The following CKAP2L variants were observed in gnomAD, a reference collection of about 807,000 sequenced individuals.
CKAP2L encodes the protein cytoskeleton associated protein 2L.
Under a neutral mutation model 65.7 loss-of-function variants are expected in CKAP2L, and 42 were observed. The ratio of observed to expected loss-of-function variants is 0.64; its 90% confidence interval spans 0.50 to 0.83. The LOEUF is 0.83. Among genes scored for constraint, CKAP2L ranks in the 40% least tolerant of loss-of-function variants. CKAP2L has a pLI of 0.00. For synonymous variants in CKAP2L, 325 were observed against 313.5 expected (o/e 1.04, Z -0.39); for missense variants, 908 against 871.0 (o/e 1.04, Z -0.53).
At chr2:112,744,862 T>C (rs1680153430) in intron 6 of CKAP2L, among the ~76,000 whole-genome samples, 1 of 152,128 alleles carries the variant, frequency 6.6e-6, no homozygotes, top group African/African-American at 2.4e-5. Context: ...CTTTTATATG[T>C]GCAAACAGCC....
In CKAP2L at chr2:112,742,715, T is replaced by C. The variant is rs1322220932; in HGVS notation, c.1813A>G (p.Thr605Ala). The C allele has an allele frequency of 3.8e-6, 6 of 1,599,612 alleles. No homozygotes were observed. Among genetic ancestry groups the C allele is most frequent in the Non-Finnish European group, 5.1e-6 (6 of 1,168,776 alleles). The change falls in exon 7 of 9, where the codon ACC (threonine) becomes GCC (alanine). Residue 605 changes from threonine to alanine, a missense_variant. Physicochemically the swap from Thr to Ala is moderately conservative, Grantham distance 58. Transcript: ENST00000302450. ...TCAAAAATAATAGTACCTTCTGTGG[T>C]TCTGTTTGAGTCTTGCAAGATATTA... ...VLNILQDSNR[T>A]TEGITSDSLV...
At chr2:112,759,815 T>C (rs1680664645) in intron 3 of CKAP2L, among the ~76,000 whole-genome samples, 2 of 152,138 alleles carry the variant, frequency 1.3e-5, no homozygotes, top group Admixed American at 1.3e-4. Context: ...ATTTGGTGAA[T>C]CATTAAAACT....
At chr2:112,746,325 T>C in intron 6 of CKAP2L, 95 bp downstream of exon 6, 1 of 979,056 alleles carries the variant, frequency 1.0e-6, no homozygotes, top group African/African-American at 1.6e-5. Flanking sequence ...TGGATATTGA[T>C]GTTGCAAACT....
intron 1 of CKAP2L, chr2:112,763,906 G>A (rs1255204675): frequency 6.6e-6 from 1 of 152,294 alleles, no homozygotes; most frequent in Non-Finnish European, 1.5e-5. Flanking sequence ...AGCTTGTTAT[G>A]TAAAGTGCCT....
At chr2:112,755,884 A>G in intron 4 of CKAP2L, 93 bp downstream of exon 4, 1 of 1,231,406 alleles carries the variant, frequency 8.1e-7, no homozygotes, top group Non-Finnish European at 1.1e-6. Flanking sequence ...CTTAGGAGCC[A>G]TTATTTATGG....
rs1679384208 is a variant in CKAP2L, at chr2:112,737,554, TG to T, written c.*1268del. 1 of 152,238 alleles carries T rather than the reference TG, an allele frequency of 6.6e-6. No homozygotes were observed. The highest frequency in any genetic ancestry group is 6.5e-5 in the Admixed American group (1 of 15,278). The allele number at this position is 152,238 out of a possible 1,614,324, so 9.4% of individuals were successfully genotyped here. On this transcript the variant is annotated 3_prime_UTR_variant, in exon 9 of 9. Coordinates refer to ENST00000302450, the MANE Select transcript of CKAP2L (RefSeq NM_152515.5). ...TGGAGAAATGTCTGCTCAGGTCCTT[TG>T]CCCATTTTTAATTATTAGTTTTTCC...
Position 112,750,305 on chromosome 2 carries a change from T to C in CKAP2L, c.1602+1962A>G, listed in dbSNP as rs932802719. On this transcript the variant is annotated intron_variant, in intron 5 of 8. Transcript: ENST00000302450. ...CCTTCAGCATCTTGTGCACACAGGC[T>C]TACCGCGTGCTTTCACAGCCAGCAT... is the stretch of plus-strand genomic sequence containing the variant. Among the ~76,000 whole-genome samples the C allele has an allele frequency of 2.0e-5, 3 of 152,218 alleles. No individual in the cohort carries two copies. In the East Asian group the frequency reaches 5.8e-4, roughly 29 times the overall value.
At chr2:112,742,564 T>C (rs1461195947) in intron 7 of CKAP2L, 142 bp downstream of exon 7, 2 of 709,764 alleles carry the variant, frequency 2.8e-6, no homozygotes, top group Non-Finnish European at 5.2e-6. Context: ...CTGATGACAA[T>C]GGCTGAAAGG....
intron 5 of CKAP2L, among the ~76,000 whole-genome samples, chr2:112,749,963 CT>C (rs1418263308): frequency 2.0e-5 from 3 of 152,102 alleles, no homozygotes; most frequent in Non-Finnish European, 2.9e-5. Context: ...GTTCTAGCAT[CT>C]TTTTTTCCCC....
rs1185758405 is a variant in CKAP2L at position 112,757,026 on chromosome 2, CTTAGAGTATGGG to C, written c.333_344del (p.Asn111_Ser114del). Reference sequence around the variant, plus strand: ...ACTGTTGAAAACTCTTGCTAGAAGGCTTAGAGTATGGGTTAGAAGAAACACATTCTGAAGTCA... The same window carrying C: ...ACTGTTGAAAACTCTTGCTAGAAGGCTTAGAAGAAACACATTCTGAAGTCA... On this transcript the variant is annotated inframe_deletion, in exon 4 of 9. Coordinates refer to ENST00000302450, the MANE Select transcript of CKAP2L (RefSeq NM_152515.5). The C allele has an allele frequency of 6.2e-7, 1 of 1,614,158 alleles. No homozygotes were observed. Among genetic ancestry groups the C allele is most frequent in the South Asian group, 1.1e-5 (1 of 91,086 alleles).
intron 7 of CKAP2L, 146 bp downstream of exon 7, chr2:112,742,560 A>G: frequency 2.8e-6 from 2 of 708,830 alleles, no homozygotes; most frequent in Admixed American, 4.2e-5. Context: ...TCAGCTGATG[A>G]CAATGGCTGA....
At chr2:112,762,690 A>T in intron 1 of CKAP2L, 121 bp from the exon 2 acceptor site, 1 of 739,802 alleles carries the variant, frequency 1.4e-6, no homozygotes. Context: ...TAATGTTATA[A>T]AATCCCTAGT....
chr2:112,746,663 G>A, intron 5 of CKAP2L, 88 bp from the exon 6 acceptor site: 1 of 1,025,590 alleles, frequency 9.8e-7, no homozygotes, highest in Non-Finnish European at 1.4e-6. Flanking sequence ...CAGGTATGCA[G>A]AAATTGGTTT....
At chr2:112,744,821 T>C (rs1483185932) in intron 6 of CKAP2L, among the ~76,000 whole-genome samples, 3 of 152,324 alleles carry the variant, frequency 2.0e-5, no homozygotes, top group African/African-American at 7.2e-5. Context: ...TCCATGTGTC[T>C]CGGGCTTTAA....
intron 5 of CKAP2L, among the ~76,000 whole-genome samples, chr2:112,752,061 A>C (rs529369686): frequency 6.6e-6 from 1 of 152,334 alleles, no homozygotes; most frequent in East Asian, 1.9e-4. Context: ...ATTATGTGAG[A>C]TAATCTTAGC....
At position 112,756,226 on chromosome 2, in the gene CKAP2L, G is replaced by T; in HGVS notation, c.1145C>A (p.Thr382Lys). 2 of 1,614,172 alleles carry T rather than the reference G, an allele frequency of 1.2e-6. No individual in the cohort carries two copies. The highest frequency in any genetic ancestry group is 8.5e-7 in the Non-Finnish European group (1 of 1,180,020). ...AATGGCTGAATTAAATCTGCCAACT[G>T]TCAAATTAGGCCTCTGGCTTATGGC... ...SKAISQRPNL[T>K]VGRFNSAIPS... Residue 382 changes from threonine (T) to lysine (K), a missense_variant, in exon 4 of 9, where the codon ACA (threonine) becomes AAA (lysine). Physicochemically the swap from Thr to Lys is moderately conservative, Grantham distance 78. Transcript: ENST00000302450.
chr2:112,740,073 G>A (rs1027496311), intron 8 of CKAP2L, among the ~76,000 whole-genome samples: 8 of 152,160 alleles, frequency 5.3e-5, no homozygotes, highest in African/African-American at 1.7e-4. Context: ...TAGTGGTTTT[G>A]TGAATTCTAG....
Position 112,739,054 on chromosome 2 carries a change from A to G in CKAP2L, c.2013-6T>C, listed in dbSNP as rs1679642999. On this transcript the variant is annotated splice_polypyrimidine_tract_variant and splice_region_variant and intron_variant, in intron 8 of 8. Transcript: ENST00000302450. The stretch of plus-strand genomic sequence containing the variant: ...CTTCCGGCATCCCATTTATTCTGAG[A>G]GACAGCAAGAGATGCATTAAAAACC... 3 of 1,600,314 alleles carry G rather than the reference A, an allele frequency of 1.9e-6. No individual in the cohort carries two copies. Among genetic ancestry groups the G allele is most frequent in the South Asian group, 2.2e-5 (2 of 90,160 alleles).
intron 6 of CKAP2L, among the ~76,000 whole-genome samples, chr2:112,745,151 G>A (rs893135090): frequency 3.9e-5 from 6 of 152,160 alleles, no homozygotes; most frequent in African/African-American, 1.2e-4. Flanking sequence ...TAAGCCAGAA[G>A]GGTCTAGGAG....
Sources: allele counts gnomAD v4.1 joint callset (sites outside exome capture counted in the v4.1 genomes callset), GRCh38; gene constraint gnomAD v4.1.1; transcripts MANE v1.5; gene names NCBI Gene and HGNC (gene_info 2026-07-23, HGNC 2026-07-21).